SCHIP1: variants seen among roughly 807,000 people sequenced by gnomAD.
SCHIP1 encodes the protein schwannomin interacting protein 1.
SCHIP1 carries 8 observed loss-of-function variants against 29.7 expected under a neutral mutation model. That is an observed-to-expected ratio of 0.27 (90% CI 0.16 to 0.49). SCHIP1 has a LOEUF of 0.49. SCHIP1 is among the 20% of genes least tolerant of loss of function. The pLI is 0.99. For synonymous variants in SCHIP1, 76 were observed against 94.9 expected, an observed-to-expected ratio of 0.80 and a Z score of 1.16; for missense variants, 193 against 294.6, an observed-to-expected ratio of 0.66 and a Z score of 2.52.
the SCHIP1 span, among the ~76,000 whole-genome samples, chr3:159,563,982 C>T: frequency 6.6e-6 from 1 of 152,088 alleles, no homozygotes; most frequent in Non-Finnish European, 1.5e-5. Context: ...TTCTGCCTGC[C>T]CCATTCTCCC....
the SCHIP1 span, among the ~76,000 whole-genome samples, chr3:159,445,166 A>G: frequency 6.6e-6 from 1 of 152,210 alleles, no homozygotes; most frequent in Non-Finnish European, 1.5e-5. Context: ...CAATGAACTC[A>G]AACAAATTTA....
chr3:159,716,923 C>A, the SCHIP1 span, among the ~76,000 whole-genome samples: 1 of 152,198 alleles, frequency 6.6e-6, no homozygotes, highest in Non-Finnish European at 1.5e-5. Flanking sequence ...CTCCCCAAAT[C>A]AACAGAATAT....
chr3:159,294,909 A>G, the SCHIP1 span, among the ~76,000 whole-genome samples: 2 of 152,130 alleles, frequency 1.3e-5, no homozygotes, highest in African/African-American at 4.8e-5. Context: ...AATACTCTTC[A>G]TAAGCATCTT....
the SCHIP1 span, among the ~76,000 whole-genome samples, chr3:159,543,882 G>A: frequency 6.6e-6 from 1 of 152,088 alleles, no homozygotes; most frequent in African/African-American, 2.4e-5. Context: ...AGCACCTGTT[G>A]TTTCCTGACT....
the SCHIP1 span, among the ~76,000 whole-genome samples, chr3:159,334,631 T>G: frequency 0.024 from 3,722 of 152,246 alleles, 78 homozygotes; most frequent in East Asian, 0.11. Flanking sequence ...ATAAATGAAA[T>G]TATTCAGCAT....
chr3:159,596,957 A>G, the SCHIP1 span, among the ~76,000 whole-genome samples: 1 of 151,454 alleles, frequency 6.6e-6, no homozygotes, highest in Admixed American at 6.6e-5. Context: ...TAATAAAAAT[A>G]AATAAAGCAG....
chr3:159,571,148 C>T, the SCHIP1 span, among the ~76,000 whole-genome samples: 1 of 152,168 alleles, frequency 6.6e-6, no homozygotes, highest in Non-Finnish European at 1.5e-5. Context: ...TGCCTGATTT[C>T]CCTGGCCAGA....
At chr3:159,487,405 C>G in the SCHIP1 span, among the ~76,000 whole-genome samples, 169 of 152,032 alleles carry the variant, frequency 1.1e-3, no homozygotes, top group Non-Finnish European at 2.0e-3. Context: ...TGGATGTTCC[C>G]CACATTGGTC....
At chr3:159,508,673 GT>G in the SCHIP1 span, among the ~76,000 whole-genome samples, 1 of 152,116 alleles carries the variant, frequency 6.6e-6, no homozygotes, top group South Asian at 2.1e-4. Context: ...TTGTGTCTTT[GT>G]TTTTGTTGGT....
the SCHIP1 span, among the ~76,000 whole-genome samples, chr3:159,475,613 G>A: frequency 6.6e-6 from 1 of 152,156 alleles, no homozygotes; most frequent in Admixed American, 6.6e-5. Flanking sequence ...AAGGCTTGGT[G>A]TGAGTTTATT....
chr3:159,438,207 G>A, the SCHIP1 span, among the ~76,000 whole-genome samples: 10 of 151,988 alleles, frequency 6.6e-5, no homozygotes, highest in East Asian at 3.9e-4. Context: ...CTGTCTTATC[G>A]AAATGGGGTA....
chr3:159,414,174 C>CT, the SCHIP1 span, among the ~76,000 whole-genome samples: 1 of 152,170 alleles, frequency 6.6e-6, no homozygotes, highest in African/African-American at 2.4e-5. Flanking sequence ...AGTACTGCTC[C>CT]TTTCCAGAAT....
At chr3:159,715,913 C>A in the SCHIP1 span, among the ~76,000 whole-genome samples, 1 of 152,180 alleles carries the variant, frequency 6.6e-6, no homozygotes, top group Non-Finnish European at 1.5e-5. Flanking sequence ...CACAAAGATA[C>A]TCCTCAAGAA....
chr3:159,381,139 T>A, the SCHIP1 span, among the ~76,000 whole-genome samples: 3 of 152,108 alleles, frequency 2.0e-5, no homozygotes, highest in South Asian at 6.2e-4. Context: ...ATTTTTAGAG[T>A]TACACAAGGA....
chr3:159,680,273 G>A, the SCHIP1 span, among the ~76,000 whole-genome samples: 1 of 151,790 alleles, frequency 6.6e-6, no homozygotes, highest in African/African-American at 2.4e-5. Flanking sequence ...CACTTTGGGA[G>A]GCTGAGGTGG....
At chr3:159,751,330 A>C in the SCHIP1 span, among the ~76,000 whole-genome samples, 1 of 152,170 alleles carries the variant, frequency 6.6e-6, no homozygotes, top group African/African-American at 2.4e-5. Context: ...AGCCAAAAAT[A>C]TTTACCATCT....
At chr3:159,330,914 C>T in the SCHIP1 span, among the ~76,000 whole-genome samples, 15 of 152,104 alleles carry the variant, frequency 9.9e-5, no homozygotes, top group Non-Finnish European at 1.9e-4. Context: ...AAGGTGAGCT[C>T]GTTCCCTCCT....
chr3:159,543,268 T>C, the SCHIP1 span, among the ~76,000 whole-genome samples: 1 of 151,236 alleles, frequency 6.6e-6, no homozygotes, highest in African/African-American at 2.4e-5. Context: ...TGCAAGTTAG[T>C]TACATATGTA....
chr3:159,549,816 A>C, the SCHIP1 span, among the ~76,000 whole-genome samples: 15 of 152,180 alleles, frequency 9.9e-5, no homozygotes, highest in East Asian at 1.7e-3. Flanking sequence ...CCTTTTCCTG[A>C]TGTCACTTCC....
Sources: allele counts gnomAD v4.1 joint callset (sites outside exome capture counted in the v4.1 genomes callset), GRCh38; gene constraint gnomAD v4.1.1; transcripts MANE v1.5; gene names NCBI Gene and HGNC (gene_info 2026-07-23, HGNC 2026-07-21).